PRKN: variants seen among roughly 807,000 people sequenced by gnomAD.
PRKN encodes the protein E3 ubiquitin-protein ligase parkin.
A neutral mutation model predicts 59.5 loss-of-function variants in PRKN; 56 were observed. The ratio of observed to expected loss-of-function variants is 0.94; its 90% CI spans 0.76 to 1.18. The LOEUF is 1.18. PRKN is among the 50% of genes most tolerant of loss of function. The pLI is 0.00. For synonymous variants in PRKN, 250 were observed against 222.1 expected, an observed-to-expected ratio of 1.13 and a Z score of -1.12; for missense variants, 657 against 596.4, an observed-to-expected ratio of 1.10 and a Z score of -1.06.
chr6:162,031,538 CT>C lies in PRKN; in HGVS notation c.618+22552del, dbSNP rs57437847. On this transcript the variant is annotated intron_variant, in intron 5 of 11. Transcript: ENST00000366898. The stretch of plus-strand genomic sequence containing the variant: ...TCACTTTTCTTTTTCTTTTCTTTTT[CT>C]TTTTTTTTTTTTTGAGATAGCATTT... 7.8e-3 allele frequency among the ~76,000 whole-genome samples: 1,101 copies of C among 141,014 alleles called. 2 individuals are homozygous for C. The highest frequency in any genetic ancestry group is 0.011 in the Middle Eastern group (3 of 282). The allele number at this position is 141,014 out of a possible 152,430, so 92.5% of individuals were successfully genotyped here.
chr6:162,535,907 CAAA>C (rs71544936), intron 1 of PRKN, among the ~76,000 whole-genome samples: 5 of 110,402 alleles, frequency 4.5e-5, no homozygotes, highest in Admixed American at 9.3e-5. Context: ...GACCCTGTCT[CAAA>C]AAAAAAAAAA....
intron 2 of PRKN, among the ~76,000 whole-genome samples, chr6:162,354,701 C>A (rs1784771987): frequency 6.6e-6 from 1 of 152,026 alleles, no homozygotes; most frequent in Non-Finnish European, 1.5e-5. Flanking sequence ...GTTCCTTCCT[C>A]CCTTCGTTAT....
At chr6:162,382,746 C>G (rs942655578) in intron 2 of PRKN, among the ~76,000 whole-genome samples, 2 of 152,136 alleles carry the variant, frequency 1.3e-5, no homozygotes, top group African/African-American at 2.4e-5. Flanking sequence ...TTCTCCATAG[C>G]ATATGATGCT....
chr6:162,460,645 G>C (rs1375167133), intron 1 of PRKN, among the ~76,000 whole-genome samples: 1 of 152,062 alleles, frequency 6.6e-6, no homozygotes, highest in Non-Finnish European at 1.5e-5. Flanking sequence ...AGTACTTTTG[G>C]GATAAGCGGA....
chr6:162,064,085 G>C (rs1049436396), intron 4 of PRKN, among the ~76,000 whole-genome samples: 1 of 152,190 alleles, frequency 6.6e-6, no homozygotes, highest in Non-Finnish European at 1.5e-5. Flanking sequence ...GAAATGAAAA[G>C]AGAGCTACTG....
At chr6:162,214,065 T>C (rs1051624399) in intron 3 of PRKN, among the ~76,000 whole-genome samples, 6 of 151,952 alleles carry the variant, frequency 3.9e-5, no homozygotes, top group African/African-American at 1.5e-4. Context: ...ACACATCCCC[T>C]ATCTCTCTGG....
chr6:161,862,914 T>C (rs1480449205), intron 6 of PRKN, among the ~76,000 whole-genome samples: 1 of 152,194 alleles, frequency 6.6e-6, no homozygotes, highest in Admixed American at 6.5e-5. Context: ...ACCATGATCA[T>C]ATTGCAACAG....
At chr6:162,283,098 C>T (rs111273325) in intron 2 of PRKN, among the ~76,000 whole-genome samples, 1,921 of 151,490 alleles carry the variant, frequency 0.013, 43 homozygotes, top group African/African-American at 0.041. Flanking sequence ...GATGATGTTG[C>T]CATCTTCATT....
chr6:161,708,019 T>C (rs144611580), intron 7 of PRKN, among the ~76,000 whole-genome samples: 7 of 152,328 alleles, frequency 4.6e-5, no homozygotes, highest in African/African-American at 1.4e-4. Context: ...TGGAGTATGT[T>C]GCCCTCATTT....
At chr6:162,656,411 A>T (rs1161234610) in intron 1 of PRKN, among the ~76,000 whole-genome samples, 2 of 152,138 alleles carry the variant, frequency 1.3e-5, no homozygotes, top group South Asian at 2.1e-4. Flanking sequence ...CTGTGATCTC[A>T]TCTTCTCCCA....
chr6:162,235,126 C>G (rs771695097), intron 3 of PRKN, among the ~76,000 whole-genome samples: 1 of 152,152 alleles, frequency 6.6e-6, no homozygotes, highest in Non-Finnish European at 1.5e-5. Context: ...GGATATTTGT[C>G]TTTTATTATG....
chr6:162,061,680 A>G (rs1778111749), intron 4 of PRKN, among the ~76,000 whole-genome samples: 1 of 152,232 alleles, frequency 6.6e-6, no homozygotes, highest in Admixed American at 6.5e-5. Flanking sequence ...GCAGCAGCAT[A>G]ATAAATGCAA....
intron 6 of PRKN, among the ~76,000 whole-genome samples, chr6:161,907,323 GA>G (rs920952672): frequency 2.7e-5 from 4 of 150,158 alleles, no homozygotes; most frequent in South Asian, 2.1e-4. Flanking sequence ...AGACTATTTG[GA>G]AAAAAAAAGC....
chr6:161,687,620 C>T lies in PRKN; in HGVS notation c.871+98152G>A, dbSNP rs371366976. Among the ~76,000 whole-genome samples, 28 of 150,292 alleles carry T rather than the reference C, an allele frequency of 1.9e-4. No individual in the cohort carries two copies. In the East Asian group the frequency reaches 2.6e-3, roughly 14 times the overall value. ...TGCAGGCGCGAACCACCACGCCCGGCTAATTTTTGTATTTTTAATAGAGAC... is the reference window on the plus strand; with the variant it reads ...TGCAGGCGCGAACCACCACGCCCGGTTAATTTTTGTATTTTTAATAGAGAC... On this transcript the variant is annotated intron_variant, in intron 7 of 11. Transcript: ENST00000366898.
At chr6:162,608,758 G>A (rs1782020518) in intron 1 of PRKN, among the ~76,000 whole-genome samples, 1 of 152,168 alleles carries the variant, frequency 6.6e-6, no homozygotes, top group African/African-American at 2.4e-5. Context: ...AGGAAGTTAA[G>A]AACATAGGGA....
intron 7 of PRKN, among the ~76,000 whole-genome samples, chr6:161,631,565 C>T (rs946992088): frequency 6.6e-6 from 1 of 152,138 alleles, no homozygotes; most frequent in African/African-American, 2.4e-5. Flanking sequence ...TGGCATAAGG[C>T]ATCTTATTTA....
At chr6:161,660,657 C>T (rs977177493) in intron 7 of PRKN, among the ~76,000 whole-genome samples, 6 of 152,270 alleles carry the variant, frequency 3.9e-5, no homozygotes, top group African/African-American at 4.8e-5. Flanking sequence ...TGTCCTGGGC[C>T]GCTCTTTCCC....
chr6:161,853,681 C>T (rs1793526803), intron 6 of PRKN, among the ~76,000 whole-genome samples: 1 of 152,106 alleles, frequency 6.6e-6, no homozygotes, highest in Non-Finnish European at 1.5e-5. Flanking sequence ...AAATTAAAGT[C>T]CTCGTTGCTT....
Position 161,625,055 on chromosome 6 carries a change from A to T in PRKN, c.872-55639T>A, listed in dbSNP as rs979559888. Among the ~76,000 whole-genome samples, 21 of 152,208 alleles carry T rather than the reference A, an allele frequency of 1.4e-4. 1 individual carries two copies. Among genetic ancestry groups the T allele is most frequent in the Non-Finnish European group, 3.1e-4 (21 of 68,044 alleles). Reference sequence around the variant, plus strand: ...TTTAGAAATGTCTTTTTCCAGGAAAAGTCCTATGCCCTTTTTAAAGTAGAT... The same window carrying T: ...TTTAGAAATGTCTTTTTCCAGGAAATGTCCTATGCCCTTTTTAAAGTAGAT... On this transcript the variant is annotated intron_variant, in intron 7 of 11. Transcript: ENST00000366898.
Sources: allele counts gnomAD v4.1 joint callset (sites outside exome capture counted in the v4.1 genomes callset), GRCh38; gene constraint gnomAD v4.1.1; transcripts MANE v1.5; gene names NCBI Gene and HGNC (gene_info 2026-07-23, HGNC 2026-07-21).